The following PCDH15 variants were observed in gnomAD, a reference collection of about 807,000 sequenced individuals.
PCDH15 encodes the protein protocadherin-15.
PCDH15 carries 129 observed loss-of-function variants against 178.5 expected under a neutral mutation model. The observed-to-expected ratio is 0.72, with a 90% CI of 0.63 to 0.84. The LOEUF is 0.84. PCDH15 is among the 40% of genes least tolerant of loss of function. The pLI, the probability that PCDH15 is intolerant of heterozygous loss-of-function variation, is 0.00. For synonymous variants in PCDH15, 800 were observed against 732.0 expected (o/e 1.09, Z -1.50); for missense variants, 2,230 against 2,099.9 (o/e 1.06, Z -1.21).
intron 8 of PCDH15, among the ~76,000 whole-genome samples, chr10:54,259,018 T>C (rs553946165): frequency 1.3e-5 from 2 of 152,244 alleles, no homozygotes; most frequent in Admixed American, 1.3e-4. Flanking sequence ...TCTTATAAAA[T>C]ATATTCATTT....
intron 2 of PCDH15, among the ~76,000 whole-genome samples, chr10:55,343,439 C>T (rs868399562): frequency 1.3e-5 from 2 of 152,096 alleles, no homozygotes; most frequent in Admixed American, 6.6e-5. Flanking sequence ...CTGCCCTCTA[C>T]CAAATATCTT....
At chr10:54,062,744 C>A in intron 18 of PCDH15, among the ~76,000 whole-genome samples, 1 of 148,778 alleles carries the variant, frequency 6.7e-6, no homozygotes, top group African/African-American at 2.5e-5. Flanking sequence ...CACAATAATT[C>A]AAGAACAAAG....
intron 1 of PCDH15, among the ~76,000 whole-genome samples, chr10:55,238,956 A>G (rs1170279639): frequency 6.6e-6 from 1 of 152,032 alleles, no homozygotes; most frequent in Admixed American, 6.6e-5. Context: ...TATTCATTCT[A>G]TATATTTTTT....
At chr10:54,778,903 T>TA (rs1949982605) in intron 1 of PCDH15, among the ~76,000 whole-genome samples, 1 of 152,058 alleles carries the variant, frequency 6.6e-6, no homozygotes, top group African/African-American at 2.4e-5. Flanking sequence ...AAAAAAGGCA[T>TA]GTTGGCAGTG....
intron 6 of PCDH15, among the ~76,000 whole-genome samples, chr10:54,337,558 C>T (rs894720713): frequency 6.6e-6 from 1 of 152,170 alleles, no homozygotes; most frequent in Non-Finnish European, 1.5e-5. Context: ...TGAAAACGGA[C>T]TAACACAACA....
intron 2 of PCDH15, among the ~76,000 whole-genome samples, chr10:55,126,729 C>A (rs540809937): frequency 7.4e-4 from 113 of 152,048 alleles, no homozygotes; most frequent in African/African-American, 2.6e-3. Context: ...ACATAGATAT[C>A]AGTTGATATT....
At chr10:54,388,384 C>T (rs561490316) in intron 3 of PCDH15, among the ~76,000 whole-genome samples, 1 of 152,312 alleles carries the variant, frequency 6.6e-6, no homozygotes, top group Non-Finnish European at 1.5e-5. Flanking sequence ...TCACGAAGAT[C>T]ATTAAGTAAG....
chr10:53,898,717 T>G (rs749592563), intron 26 of PCDH15, among the ~76,000 whole-genome samples: 9 of 152,162 alleles, frequency 5.9e-5, no homozygotes, highest in Admixed American at 1.3e-4. Flanking sequence ...TAACAATCAC[T>G]GCTCAAAAAT....
chr10:53,908,357 A>C (rs2133736172), intron 25 of PCDH15, among the ~76,000 whole-genome samples: 1 of 152,342 alleles, frequency 6.6e-6, no homozygotes, highest in South Asian at 2.1e-4. Context: ...GTTAAGATAA[A>C]ATGGAAAGTT....
At chr10:54,624,150 G>A (rs902928081) in intron 2 of PCDH15, among the ~76,000 whole-genome samples, 3 of 152,030 alleles carry the variant, frequency 2.0e-5, no homozygotes, top group Non-Finnish European at 4.4e-5. Flanking sequence ...TTTCTCCATC[G>A]AAGTACTTAT....
At chr10:55,271,986 T>C (rs1030541045) in intron 1 of PCDH15, among the ~76,000 whole-genome samples, 5 of 152,108 alleles carry the variant, frequency 3.3e-5, no homozygotes, top group African/African-American at 1.2e-4. Context: ...ATAAAGAATT[T>C]ATCTAGACTT....
At chr10:55,229,674 T>C (rs1436190165) in intron 1 of PCDH15, among the ~76,000 whole-genome samples, 2 of 152,080 alleles carry the variant, frequency 1.3e-5, no homozygotes, top group Admixed American at 1.3e-4. Flanking sequence ...TTGGCTTTAG[T>C]TTTACTTCAA....
At chr10:53,833,068 A>T (rs2077104641) in intron 29 of PCDH15, among the ~76,000 whole-genome samples, 1 of 152,066 alleles carries the variant, frequency 6.6e-6, no homozygotes, top group South Asian at 2.1e-4. Context: ...GAATAGTGAA[A>T]CTTCTTGTTT....
chr10:55,601,288 T>C (rs1035802707), intron 2 of PCDH15, among the ~76,000 whole-genome samples: 1 of 152,228 alleles, frequency 6.6e-6, no homozygotes, highest in African/African-American at 2.4e-5. Flanking sequence ...GGAAAAGTTT[T>C]CAGTAAGAGT....
At chr10:54,146,969 A>ATATATAGTGTATATATATATAATG (rs2044024843) in intron 14 of PCDH15, among the ~76,000 whole-genome samples, 1 of 144,616 alleles carries the variant, frequency 6.9e-6, no homozygotes, top group East Asian at 1.9e-4. Context: ...TATAATGTAT[A>ATATATAGTGTATATATATATAATG]TATATAGTGT....
intron 3 of PCDH15, among the ~76,000 whole-genome samples, chr10:54,812,678 C>A (rs1408418920): frequency 1.3e-5 from 2 of 151,804 alleles, no homozygotes; most frequent in Non-Finnish European, 2.9e-5. Context: ...AGGATGATGT[C>A]GATCTCTTGA....
chr10:54,764,734 G>C (rs540777213), intron 1 of PCDH15, among the ~76,000 whole-genome samples: 75 of 152,180 alleles, frequency 4.9e-4, no homozygotes, highest in African/African-American at 1.7e-3. Flanking sequence ...CCCAGATGAA[G>C]ATGCCTTCTG....
chr10:54,315,534 T>C (rs924086205), intron 8 of PCDH15, among the ~76,000 whole-genome samples: 1 of 152,168 alleles, frequency 6.6e-6, no homozygotes, highest in Non-Finnish European at 1.5e-5. Context: ...TTAAGTTTAA[T>C]TAGATCCCAT....
At chr10:54,835,350 T>A (rs1953298092) in intron 3 of PCDH15, among the ~76,000 whole-genome samples, 1 of 152,240 alleles carries the variant, frequency 6.6e-6, no homozygotes, top group African/African-American at 2.4e-5. Context: ...TTCCTGTTGG[T>A]TTTGCCAAGT....
Sources: allele counts gnomAD v4.1 joint callset (sites outside exome capture counted in the v4.1 genomes callset), GRCh38; gene constraint gnomAD v4.1.1; transcripts MANE v1.5; gene names NCBI Gene and HGNC (gene_info 2026-07-23, HGNC 2026-07-21).